The following FAM184B variants were observed in gnomAD, a reference collection of about 807,000 sequenced individuals.
The protein encoded by FAM184B is family with sequence similarity 184 member B, also known as protein FAM184B.
A neutral mutation model predicts 135.9 loss-of-function variants in FAM184B; 111 were observed. That is an observed-to-expected ratio of 0.82 (90% CI 0.70 to 0.96). FAM184B has a LOEUF of 0.96. Among genes scored for constraint, FAM184B ranks in the 40% least tolerant of loss-of-function variants. FAM184B has a pLI of 0.00. For synonymous variants in FAM184B, 552 were observed against 524.8 expected, an observed-to-expected ratio of 1.05 and a Z score of -0.71; for missense variants, 1,375 against 1,323.9, an observed-to-expected ratio of 1.04 and a Z score of -0.60.
rs79959025 is a variant in FAM184B at position 17,701,636 on chromosome 4, G to A, written c.1377+3364C>T. Among the ~76,000 whole-genome samples, 380 of 152,264 alleles carry A rather than the reference G, an allele frequency of 2.5e-3. 6 individuals are homozygous for A. The East Asian group carries it at 0.047, about 19-fold the overall frequency. On this transcript the variant is annotated intron_variant, in intron 5 of 17. Coordinates refer to ENST00000265018, the MANE Select transcript of FAM184B (RefSeq NM_015688.2). ...CATGACTGAAGCTTCCCAGTCAGGCGCACCTATCCTGGATTGCAAATCACA... is the reference window on the plus strand; with the variant it reads ...CATGACTGAAGCTTCCCAGTCAGGCACACCTATCCTGGATTGCAAATCACA...
Position 17,696,439 on chromosome 4 carries a change from G to A in FAM184B, c.1378-3027C>T, listed in dbSNP as rs11726149. Among the ~76,000 whole-genome samples, 931 of 152,288 alleles carry A rather than the reference G, an allele frequency of 6.1e-3. 10 individuals are homozygous for A. Among genetic ancestry groups the A allele is most frequent in the Non-Finnish European group, 8.0e-3 (543 of 68,026 alleles). On this transcript the variant is annotated intron_variant, in intron 5 of 17. Coordinates refer to ENST00000265018, the MANE Select transcript of FAM184B (RefSeq NM_015688.2). Reference sequence around the variant, plus strand: ...TAGACTGGAAGGATCATTAAGAACCGGACGGGACCAGGCAGGTAAATGTGG... The same window carrying A: ...TAGACTGGAAGGATCATTAAGAACCAGACGGGACCAGGCAGGTAAATGTGG...
At chr4:17,705,977 G>A (rs561196923) in intron 3 of FAM184B, 86 bp from the exon 4 acceptor site, 36 of 1,498,114 alleles carry the variant, frequency 2.4e-5, no homozygotes, top group Middle Eastern at 1.8e-4. Flanking sequence ...CCCCCGTTCC[G>A]CTTTACAACC....
intron 10 of FAM184B, among the ~76,000 whole-genome samples, chr4:17,657,034 G>T (rs1715791459): frequency 6.6e-6 from 1 of 152,070 alleles, no homozygotes; most frequent in South Asian, 2.1e-4. Flanking sequence ...TTAATATATT[G>T]AAGTATACTT....
chr4:17,704,342 G>A (rs1485423594), intron 5 of FAM184B, among the ~76,000 whole-genome samples: 8 of 152,220 alleles, frequency 5.3e-5, no homozygotes, highest in Non-Finnish European at 1.0e-4. Context: ...AAGCCACCCT[G>A]TTTGGAGGGA....
At chr4:17,664,454 A>G (rs1311978160) in intron 8 of FAM184B, 108 bp downstream of exon 8, 1 of 842,544 alleles carries the variant, frequency 1.2e-6, no homozygotes. Flanking sequence ...AGCATGCTGC[A>G]AGGAGCAGTG....
At chr4:17,761,666 A>G (rs1718548909) in intron 1 of FAM184B, among the ~76,000 whole-genome samples, 1 of 152,180 alleles carries the variant, frequency 6.6e-6, no homozygotes, top group African/African-American at 2.4e-5. Flanking sequence ...AGCTGGGATT[A>G]CAGGCCACCA....
chr4:17,714,861 G>A (rs1717373229), intron 1 of FAM184B, among the ~76,000 whole-genome samples: 2 of 152,086 alleles, frequency 1.3e-5, no homozygotes, highest in Non-Finnish European at 2.9e-5. Flanking sequence ...TTCACATGGA[G>A]CCACAGTGTC....
chr4:17,689,545 C>T lies in FAM184B; in HGVS notation c.1489-1014G>A, dbSNP rs532300186. 6.6e-5 allele frequency among the ~76,000 whole-genome samples: 10 copies of T among 152,202 alleles called. No individual in the cohort carries two copies. The East Asian group carries it at 1.9e-3, about 30-fold the overall frequency. ...GGAGATAGATAAATGTTTATAACCC[C>T]AATGACACTCAGTAGAGATATGTAC... is the stretch of plus-strand genomic sequence containing the variant. On this transcript the variant is annotated intron_variant, in intron 6 of 17. Coordinates refer to ENST00000265018, the MANE Select transcript of FAM184B (RefSeq NM_015688.2).
intron 1 of FAM184B, among the ~76,000 whole-genome samples, chr4:17,770,820 T>A (rs1718805134): frequency 6.6e-6 from 1 of 152,176 alleles, no homozygotes; most frequent in Non-Finnish European, 1.5e-5. Flanking sequence ...TGTTTTCATT[T>A]TAGCAGCTTT....
intron 5 of FAM184B, among the ~76,000 whole-genome samples, chr4:17,696,725 A>G (rs1324272573): frequency 6.6e-6 from 1 of 152,058 alleles, no homozygotes; most frequent in African/African-American, 2.4e-5. Flanking sequence ...AGGCAGGAGG[A>G]TCACTTTAGC....
chr4:17,707,624 A>C, intron 3 of FAM184B, 25 bp downstream of exon 3: 1 of 1,550,786 alleles, frequency 6.4e-7, no homozygotes, highest in East Asian at 2.4e-5. Flanking sequence ...GGGTCTTTTA[A>C]GGAAATCATT....
intron 1 of FAM184B, among the ~76,000 whole-genome samples, chr4:17,730,380 G>A (rs1717749231): frequency 6.6e-6 from 1 of 152,102 alleles, no homozygotes; most frequent in Admixed American, 6.6e-5. Context: ...ATCTAGCAAG[G>A]CAGGCCAACA....
At chr4:17,643,671 T>A (rs1455390591) in intron 12 of FAM184B, among the ~76,000 whole-genome samples, 1 of 152,204 alleles carries the variant, frequency 6.6e-6, no homozygotes, top group Admixed American at 6.5e-5. Flanking sequence ...CATCATTTGT[T>A]AATATTTTTC....
intron 1 of FAM184B, among the ~76,000 whole-genome samples, chr4:17,747,724 A>G (rs1214450769): frequency 4.6e-5 from 7 of 151,938 alleles, no homozygotes; most frequent in African/African-American, 1.7e-4. Flanking sequence ...GATCGAGACC[A>G]TCCTGGCTAA....
intron 12 of FAM184B, among the ~76,000 whole-genome samples, chr4:17,645,116 T>C (rs1351859007): frequency 6.6e-6 from 1 of 152,192 alleles, no homozygotes; most frequent in Non-Finnish European, 1.5e-5. Flanking sequence ...TCCATGCTCA[T>C]GGATAGGAAG....
chr4:17,743,939 C>A (rs1216073109), intron 1 of FAM184B, among the ~76,000 whole-genome samples: 2 of 152,200 alleles, frequency 1.3e-5, no homozygotes, highest in South Asian at 2.1e-4. Context: ...GCTGAGTTCT[C>A]ATCTGAAGGC....
Position 17,664,598 on chromosome 4 carries a change from G to A in FAM184B, c.1658C>T (p.Ala553Val). The change falls in exon 8 of 18, where the codon GCA becomes GTA. Residue 553 changes from alanine (A) to valine (V), a missense_variant. By Grantham distance (64) the Ala-to-Val change is moderately conservative. Transcript: ENST00000265018. The part of the protein sequence containing the change: ...PRGEEYQDKL[A>V]AEEGTSSDEE... ...ATCACTGCTGGTTCCTTCTTCAGCTGCTAACTTATCTTGATACTCCTCTCC... is the reference window on the plus strand; with the variant it reads ...ATCACTGCTGGTTCCTTCTTCAGCTACTAACTTATCTTGATACTCCTCTCC... 3 of 1,551,112 alleles carry A rather than the reference G, an allele frequency of 1.9e-6. No homozygotes were observed. Among genetic ancestry groups the A allele is most frequent in the Admixed American group, 2.0e-5 (1 of 50,884 alleles).
intron 1 of FAM184B, among the ~76,000 whole-genome samples, chr4:17,731,396 A>G (rs1283032887): frequency 6.6e-6 from 1 of 152,240 alleles, no homozygotes; most frequent in Non-Finnish European, 1.5e-5. Context: ...TTGGATAAAG[A>G]GTCAAGATAC....
chr4:17,665,763 C>T (rs1255881083), intron 7 of FAM184B, among the ~76,000 whole-genome samples: 1 of 152,178 alleles, frequency 6.6e-6, no homozygotes, highest in Non-Finnish European at 1.5e-5. Flanking sequence ...ATGTCAAGAC[C>T]AATGAAGACC....
Sources: allele counts gnomAD v4.1 joint callset (sites outside exome capture counted in the v4.1 genomes callset), GRCh38; gene constraint gnomAD v4.1.1; transcripts MANE v1.5; gene names NCBI Gene and HGNC (gene_info 2026-07-23, HGNC 2026-07-21).